Variants in ZFHX3 observed in about 807,000 individuals in gnomAD.
ZFHX3 encodes the protein zinc finger homeobox 3, also known as zinc finger homeobox protein 3.
Under a neutral mutation model 279.1 loss-of-function variants are expected in ZFHX3, and 42 were observed. That is an observed-to-expected ratio of 0.15 (90% confidence interval 0.12 to 0.19). The LOEUF (loss-of-function observed/expected upper bound fraction) is 0.19, where lower values mean the gene tolerates loss of function less well. Ranked by LOEUF, ZFHX3 falls within the 10% of genes least tolerant of loss-of-function variation. The pLI, the probability that ZFHX3 is intolerant of heterozygous loss-of-function variation, is 1.00. For missense variants in ZFHX3, 4,981 were observed against 4,754.0 expected, an observed-to-expected ratio of 1.05 and a Z score of -1.40; for synonymous variants, 2,293 against 1,957.8, an observed-to-expected ratio of 1.17 and a Z score of -4.52.
chr16:73,027,302 A>C (rs1597108965), intron 1 of ZFHX3, among the ~76,000 whole-genome samples: 1 of 152,194 alleles, frequency 6.6e-6, no homozygotes, highest in Non-Finnish European at 1.5e-5. Flanking sequence ...AAGCCAAAAA[A>C]AGACAAACCG....
intron 1 of ZFHX3, among the ~76,000 whole-genome samples, chr16:73,867,827 T>C (rs1270806622): frequency 6.6e-6 from 1 of 152,204 alleles, no homozygotes; most frequent in African/African-American, 2.4e-5. Flanking sequence ...TTGGCAGCGT[T>C]CTGATACTTC....
intron 2 of ZFHX3, among the ~76,000 whole-genome samples, chr16:73,482,449 C>T (rs952339463): frequency 6.6e-6 from 1 of 152,114 alleles, no homozygotes; most frequent in African/African-American, 2.4e-5. Context: ...GGCTGACCAC[C>T]GCCTCACCCA....
intron 3 of ZFHX3, among the ~76,000 whole-genome samples, chr16:73,376,145 C>A (rs2143353330): frequency 6.6e-6 from 1 of 152,180 alleles, no homozygotes; most frequent in East Asian, 1.9e-4. Flanking sequence ...CTTTTGGTTT[C>A]TTTTTAACAA....
In ZFHX3 at chr16:73,125,198, G is replaced by GTTTTTTTTT. The variant is rs67029800; in HGVS notation, c.-897+5761_-897+5769dup. 3.5e-5 allele frequency: 4 copies of GTTTTTTTTT among 115,024 alleles called. 1 individual carries two copies. The highest frequency in any genetic ancestry group is 9.6e-5 in the Admixed American group (1 of 10,430). The allele number at this position is 115,024 out of a possible 1,614,324, so 7.1% of individuals were successfully genotyped here. On this transcript the variant is annotated intron_variant, in intron 7 of 17. Transcript: ENST00000641206. ...TGGGTGGCAGAAGAGGAATTGAGCT[G>GTTTTTTTTT]TTTTTTTTTTTTTTTTTTTGCTAGG...
chr16:72,950,908 T>A lies in ZFHX3; in HGVS notation c.2777A>T (p.Glu926Val). The A allele has an allele frequency of 2.5e-6, 4 of 1,613,956 alleles. No homozygotes were observed. The highest frequency in any genetic ancestry group is 3.4e-6 in the Non-Finnish European group (4 of 1,180,014). The change falls in exon 3 of 10, where the codon GAG becomes GTG. Residue 926 changes from glutamate (E) to valine (V), a missense_variant. Physicochemically the swap from Glu to Val is moderately radical, Grantham distance 121 (BLOSUM62 -2). Around this residue, in one of 7 missense-constraint regions of ZFHX3, gnomAD observed 1,751 missense variants for 1,770.0 expected, o/e 0.99. Transcript: ENST00000268489. ...RLGGGQLVSE[E>V]LMNLGESFIQ... ...GAAGCTCTCGCCCAGGTTCATCAGC[T>A]CCTCTGACACCAGCTGCCCGCCCCC...
In ZFHX3 at chr16:72,798,360, A is replaced by G. The variant is rs139490332; in HGVS notation, c.4322T>C (p.Phe1441Ser). The change falls in exon 9 of 10, where the codon TTC becomes TCC. Residue 1441 changes from phenylalanine (F) to serine (S), a missense_variant. Physicochemically the swap from Phe to Ser is radical, Grantham distance 155 (BLOSUM62 -2). Around this residue, in one of 7 missense-constraint regions of ZFHX3, gnomAD observed 1,751 missense variants for 1,770.0 expected, o/e 0.99. Coordinates refer to ENST00000268489, the MANE Select transcript of ZFHX3 (RefSeq NM_006885.4). ...CCLCQRSFRT[F>S]QALKKHLETS... ...CTCAAGGTGCTTCTTCAGAGCCTGG[A>G]AAGTTCGGAAACTGCGCTGACAAAG... 6.8e-5 allele frequency: 109 copies of G among 1,614,080 alleles called. No homozygotes were observed. Among genetic ancestry groups the G allele is most frequent in the Admixed American group, 1.7e-4 (10 of 60,012 alleles).
At chr16:73,803,164 AAAACAGGCAAAGATACGAGTAG>A (rs1248440607) in intron 1 of ZFHX3, among the ~76,000 whole-genome samples, 1 of 152,246 alleles carries the variant, frequency 6.6e-6, no homozygotes. Flanking sequence ...AACTCAAAAG[AAAACAGGCAAAGATACGAGTAG>A]AAATTTATAG....
At chr16:72,814,499 A>G (rs2143617505) in intron 5 of ZFHX3, among the ~76,000 whole-genome samples, 1 of 152,318 alleles carries the variant, frequency 6.6e-6, no homozygotes, top group South Asian at 2.1e-4. Context: ...CAAAGAGTCC[A>G]TCCTCTTCCT....
intron 5 of ZFHX3, among the ~76,000 whole-genome samples, chr16:73,182,683 A>T (rs1967823889): frequency 6.6e-6 from 1 of 152,228 alleles, no homozygotes; most frequent in African/African-American, 2.4e-5. Flanking sequence ...ATGTGTGTAT[A>T]TACCATGGAA....
intron 8 of ZFHX3, among the ~76,000 whole-genome samples, chr16:73,088,857 C>G (rs1185480763): frequency 6.6e-6 from 1 of 152,186 alleles, no homozygotes; most frequent in African/African-American, 2.4e-5. Context: ...ATTGGACAGT[C>G]TTGACCCTAC....
chr16:73,547,751 G>A (rs1358549706), intron 2 of ZFHX3, among the ~76,000 whole-genome samples: 1 of 152,170 alleles, frequency 6.6e-6, no homozygotes, highest in Non-Finnish European at 1.5e-5. Context: ...CTGCCCCAGT[G>A]ACACATCCTG....
At chr16:73,138,110 A>G (rs1473930847) in intron 6 of ZFHX3, among the ~76,000 whole-genome samples, 1 of 152,164 alleles carries the variant, frequency 6.6e-6, no homozygotes, top group Non-Finnish European at 1.5e-5. Context: ...CCTCTAAGAC[A>G]TACATCTGCA....
intron 4 of ZFHX3, among the ~76,000 whole-genome samples, chr16:72,846,474 C>G (rs1004642002): frequency 6.6e-6 from 1 of 152,064 alleles, no homozygotes; most frequent in African/African-American, 2.4e-5. Context: ...CTGCAGGCCA[C>G]GGGCACTGTG....
At chr16:73,685,190 T>C (rs1373985606) in intron 1 of ZFHX3, among the ~76,000 whole-genome samples, 3 of 150,128 alleles carry the variant, frequency 2.0e-5, no homozygotes, top group Non-Finnish European at 4.4e-5. Flanking sequence ...CTAATTTTCT[T>C]GTATTTTGCT....
rs147955089 is a variant in ZFHX3 at position 73,577,556 on chromosome 16, C to G, written c.-1547+102624G>C. Among the ~76,000 whole-genome samples the G allele has an allele frequency of 1.4e-4, 22 of 152,292 alleles. No individual in the cohort carries two copies. The East Asian group carries it at 4.2e-3, about 29-fold the overall frequency. On this transcript the variant is annotated intron_variant, in intron 2 of 17. Coordinates refer to the ZFHX3 transcript ENST00000641206. ...TATGTTTTAATTAATCACTTCCGCT[C>G]ACCTGCCTGTCCCTCAGACCCCACT...
chr16:73,226,424 G>C (rs918707230), intron 5 of ZFHX3, among the ~76,000 whole-genome samples: 33 of 152,228 alleles, frequency 2.2e-4, no homozygotes, highest in South Asian at 2.1e-4. Flanking sequence ...TAAAAAGTGC[G>C]CTCCTGCTTT....
At chr16:73,807,737 T>A (rs966350636) in intron 1 of ZFHX3, among the ~76,000 whole-genome samples, 1 of 150,416 alleles carries the variant, frequency 6.6e-6, no homozygotes, top group African/African-American at 2.5e-5. Context: ...TCCCAAAATG[T>A]TGGAATTACA....
chr16:73,011,965 GA>G (rs1480655231), intron 1 of ZFHX3, among the ~76,000 whole-genome samples: 2 of 152,114 alleles, frequency 1.3e-5, no homozygotes, highest in African/African-American at 2.4e-5. Context: ...CAAGACCAAA[GA>G]GGAAGCCTCT....
intron 1 of ZFHX3, among the ~76,000 whole-genome samples, chr16:73,731,084 C>A (rs1240056699): frequency 6.6e-6 from 1 of 152,144 alleles, no homozygotes; most frequent in African/African-American, 2.4e-5. Context: ...ATTAAACTTG[C>A]GATTGTCATT....
Sources: allele counts gnomAD v4.1 joint callset (sites outside exome capture counted in the v4.1 genomes callset), GRCh38; gene constraint gnomAD v4.1.1; regional missense constraint gnomAD v4.1.1; transcripts MANE v1.5; gene names NCBI Gene and HGNC (gene_info 2026-07-23, HGNC 2026-07-21).